The following AOPEP variants were observed in gnomAD, a reference collection of about 807,000 sequenced individuals.
AOPEP encodes the protein aminopeptidase O.
Under a neutral mutation model 98.1 loss-of-function variants are expected in AOPEP, and 77 were observed. The ratio of observed to expected loss-of-function variants is 0.78; its 90% CI spans 0.65 to 0.95. The LOEUF (loss-of-function observed/expected upper bound fraction) is 0.95, where lower values mean the gene tolerates loss of function less well. AOPEP is among the 40% of genes least tolerant of loss of function. The pLI, the probability that AOPEP is intolerant of heterozygous loss-of-function variation, is 0.00. For synonymous variants in AOPEP, 346 were observed against 365.3 expected (o/e 0.95, Z 0.60); for missense variants, 1,024 against 1,024.7 (o/e 1.00, Z 0.01).
At chr9:95,117,415 G>A in the AOPEP span, 1 of 1,602,176 alleles carries the variant, frequency 6.2e-7, no homozygotes, top group East Asian at 2.2e-5. Context: ...AAAATCCAAA[G>A]AGCATGAACA....
Position 94,791,188 on chromosome 9 carries a change from A to C in AOPEP, c.965-1577A>C, listed in dbSNP as rs952544650. On this transcript the variant is annotated intron_variant, in intron 3 of 16. Transcript: ENST00000375315. ...AAAAGAATGAGATAATGTCCTTTGC[A>C]GCAACATGGATGGGGCTGGAGGTCA... 1.3e-5 allele frequency among the ~76,000 whole-genome samples: 2 copies of C among 152,226 alleles called. 1 individual carries two copies.
At chr9:94,975,366 T>C (rs908902230) in intron 10 of AOPEP, among the ~76,000 whole-genome samples, 2 of 152,244 alleles carry the variant, frequency 1.3e-5, no homozygotes, top group African/African-American at 4.8e-5. Flanking sequence ...CTTCTAGTTT[T>C]ATGCCTTTTC....
intron 2 of AOPEP, among the ~76,000 whole-genome samples, chr9:94,769,874 C>A (rs542734493): frequency 9.2e-5 from 14 of 152,240 alleles, no homozygotes; most frequent in Non-Finnish European, 1.8e-4. Context: ...AATTCTAGAA[C>A]AAAATGTCTA....
intron 5 of AOPEP, among the ~76,000 whole-genome samples, chr9:94,838,586 A>G (rs1441030957): frequency 6.6e-6 from 1 of 152,192 alleles, no homozygotes; most frequent in Non-Finnish European, 1.5e-5. Flanking sequence ...GCCTTTTCAT[A>G]TAAATTTTAG....
chr9:94,925,857 A>T (rs543810696), intron 6 of AOPEP, among the ~76,000 whole-genome samples: 33 of 152,348 alleles, frequency 2.2e-4, no homozygotes, highest in South Asian at 4.1e-4. Flanking sequence ...CCTCATTTGT[A>T]GAATGGATGT....
At chr9:94,740,014 G>A (rs1380579438) in intron 1 of AOPEP, among the ~76,000 whole-genome samples, 2 of 152,126 alleles carry the variant, frequency 1.3e-5, no homozygotes, top group African/African-American at 4.8e-5. Context: ...TTTGAAAGAA[G>A]AGTTTATTAT....
At position 94,980,227 on chromosome 9, in the gene AOPEP, T is replaced by C. The variant is rs2060099597; in HGVS notation, c.1977+800T>C. Among the ~76,000 whole-genome samples, 1 of 152,202 alleles carries C rather than the reference T, an allele frequency of 6.6e-6. No individual in the cohort carries two copies. Among genetic ancestry groups the C allele is most frequent in the Admixed American group, 6.5e-5 (1 of 15,288 alleles). ...TGCTGGCCATGGCAAGCCTAGGCCCTGGGAAGTCTGAGGGTGGGATCCCAG... is the reference window on the plus strand; with the variant it reads ...TGCTGGCCATGGCAAGCCTAGGCCCCGGGAAGTCTGAGGGTGGGATCCCAG... On this transcript the variant is annotated intron_variant, in intron 11 of 16. Coordinates refer to ENST00000375315, the MANE Select transcript of AOPEP (RefSeq NM_001193329.3). The surrounding 1 kb of genome is among the most constrained non-coding windows in gnomAD (Gnocchi z 4.3).
chr9:95,146,487 C>A, the AOPEP span, among the ~76,000 whole-genome samples: 61 of 45,542 alleles, frequency 1.3e-3, no homozygotes, highest in East Asian at 2.3e-3. Flanking sequence ...GACCCCATCT[C>A]AAAAAAAAAA....
chr9:95,028,131 A>G (rs894400751), intron 13 of AOPEP, among the ~76,000 whole-genome samples: 4 of 152,248 alleles, frequency 2.6e-5, no homozygotes, highest in African/African-American at 9.6e-5. Flanking sequence ...CCAGGTGCCC[A>G]GTGCCAGAAG....
chr9:95,003,962 G>A lies in AOPEP; in HGVS notation c.1978-1196G>A, dbSNP rs553278800. On this transcript the variant is annotated intron_variant, in intron 11 of 16. Coordinates refer to ENST00000375315, the MANE Select transcript of AOPEP (RefSeq NM_001193329.3). ...ATATGGAATGAAGGGATAAATTCCT[G>A]ATGTCTCCATTAAGCTCCTCTGTGT... The A allele has an allele frequency of 5.5e-5, 12 of 216,380 alleles. 1 individual carries two copies. In the South Asian group the frequency reaches 6.6e-4, roughly 12 times the overall value. 13.4% of individuals were successfully genotyped at this position (216,380 alleles called of 1,614,324 possible). A position where few individuals can be genotyped will look rare whatever the true frequency, so the allele number is the denominator to read the frequency against.
intron 11 of AOPEP, among the ~76,000 whole-genome samples, chr9:94,989,815 TG>T (rs767230169): frequency 6.6e-6 from 1 of 151,350 alleles, no homozygotes; most frequent in Non-Finnish European, 1.5e-5. Flanking sequence ...TTCACCATAT[TG>T]GCCAGGCTGG....
At chr9:94,900,152 C>T (rs1256852152) in intron 5 of AOPEP, among the ~76,000 whole-genome samples, 1 of 152,206 alleles carries the variant, frequency 6.6e-6, no homozygotes, top group Non-Finnish European at 1.5e-5. Flanking sequence ...CTGGCCGCCG[C>T]CAACTAGCTA....
intron 13 of AOPEP, among the ~76,000 whole-genome samples, chr9:95,038,885 A>G (rs923819376): frequency 1.3e-5 from 2 of 152,174 alleles, no homozygotes; most frequent in African/African-American, 4.8e-5. Context: ...GGTGTGGCTT[A>G]ATATCTGTAC....
At chr9:94,765,718 T>TA (rs1839456795) in intron 2 of AOPEP, among the ~76,000 whole-genome samples, 1 of 152,066 alleles carries the variant, frequency 6.6e-6, no homozygotes, top group South Asian at 2.1e-4. Context: ...GAAGAAAACA[T>TA]ATTTGAAGCT....
chr9:94,992,959 A>G (rs757624030), intron 11 of AOPEP, among the ~76,000 whole-genome samples: 3 of 152,196 alleles, frequency 2.0e-5, no homozygotes, highest in Admixed American at 6.5e-5. Context: ...AAGTTACACT[A>G]TCTGGGAACC....
At chr9:95,105,733 A>C in the AOPEP span, among the ~76,000 whole-genome samples, 1 of 152,140 alleles carries the variant, frequency 6.6e-6, no homozygotes, top group Non-Finnish European at 1.5e-5. Context: ...GACTCATACA[A>C]CATCCTCGTT....
chr9:95,027,748 G>A (rs551591983), intron 13 of AOPEP, among the ~76,000 whole-genome samples: 47 of 152,298 alleles, frequency 3.1e-4, no homozygotes, highest in African/African-American at 1.1e-3. Flanking sequence ...AGTTGTGCAG[G>A]AAACTTTATC....
intron 5 of AOPEP, among the ~76,000 whole-genome samples, chr9:94,831,827 G>A (rs1856036281): frequency 1.3e-5 from 2 of 151,896 alleles, no homozygotes; most frequent in Admixed American, 6.6e-5. Flanking sequence ...GGAAGTGAAG[G>A]ATTTCCTCAA....
chr9:94,822,016 G>A (rs1223351625), intron 5 of AOPEP, among the ~76,000 whole-genome samples: 1 of 115,792 alleles, frequency 8.6e-6, no homozygotes, highest in Non-Finnish European at 1.9e-5. Context: ...CACACACGCA[G>A]GCATTCAGCC....
Sources: gnomAD v4.1 joint callset for allele counts (sites outside exome capture counted in the v4.1 genomes callset) on GRCh38, gnomAD v4.1.1 for gene constraint, Gnocchi (gnomAD v3.1) non-coding constraint, MANE v1.5 for transcripts, NCBI Gene and HGNC (gene_info 2026-07-23, HGNC 2026-07-21) for gene names.